The following ADAMTS20 variants were observed in gnomAD, a reference collection of about 807,000 sequenced individuals.
The protein encoded by ADAMTS20 is ADAM metallopeptidase with thrombospondin type 1 motif 20.
In ADAMTS20, 225 loss-of-function variants were observed where a neutral mutation model predicts 260.1. The observed-to-expected ratio is 0.87, with a 90% confidence interval of 0.78 to 0.97. The LOEUF (loss-of-function observed/expected upper bound fraction) is 0.97, where lower values mean the gene tolerates loss of function less well. ADAMTS20 is among the 50% of genes least tolerant of loss of function. The pLI is 0.00. For synonymous variants in ADAMTS20, 802 were observed against 769.5 expected (o/e 1.04, Z -0.70); for missense variants, 2,400 against 2,337.7 (o/e 1.03, Z -0.55).
chr12:43,551,641 T>G lies in ADAMTS20; in HGVS notation c.91+190A>C, dbSNP rs1443669424. Among the ~76,000 whole-genome samples the G allele has an allele frequency of 1.2e-4, 18 of 152,178 alleles. No individual in the cohort carries two copies. Among genetic ancestry groups the G allele is most frequent in the Non-Finnish European group, 7.3e-5 (5 of 68,032 alleles). On this transcript the variant is annotated intron_variant, in intron 1 of 38. Transcript: ENST00000389420. This position sits in a 1 kb window ranked among gnomAD's most constrained non-coding sequence, Gnocchi z 4.6. Reference sequence around the variant, plus strand: ...TGTGGTCCTGGGAGTGCGATGCGTCTTAGGCGCGCGCGATTCCTCGAAACC... The same window carrying G: ...TGTGGTCCTGGGAGTGCGATGCGTCGTAGGCGCGCGCGATTCCTCGAAACC...
At position 43,478,591 on chromosome 12, in the gene ADAMTS20, G is replaced by T. The variant is rs181065985; in HGVS notation, c.1118-9886C>A. Among the ~76,000 whole-genome samples the T allele has an allele frequency of 5.7e-4, 86 of 152,198 alleles. 3 individuals are homozygous for T. The highest frequency in any genetic ancestry group is 4.3e-3 in the Admixed American group (65 of 15,272). ...ACCTATATTAGGATGAAGTTTTAAT[G>T]AAACTGCTTTATATTCAAGACAAAG... On this transcript the variant is annotated intron_variant, in intron 7 of 38. Transcript: ENST00000389420.
intron 7 of ADAMTS20, among the ~76,000 whole-genome samples, chr12:43,472,701 A>G (rs12307086): frequency 0.014 from 2,030 of 147,412 alleles, 48 homozygotes; most frequent in African/African-American, 0.048. Flanking sequence ...TAAAGAAAAG[A>G]ATTTTCAAGC....
Position 43,427,621 on chromosome 12 carries a change from C to G in ADAMTS20, c.3946-152G>C, listed in dbSNP as rs1941358588. On this transcript the variant is annotated intron_variant, in intron 26 of 38. Coordinates refer to ENST00000389420, the MANE Select transcript of ADAMTS20 (RefSeq NM_025003.5). ...GAATCACAATTTGAATTGAGAAAAT[C>G]TATCAAAACACTTGAGTTATACTGG... The G allele has an allele frequency of 6.6e-6, 5 of 756,060 alleles. No homozygotes were observed. The Admixed American group carries it at 1.4e-4, about 22-fold the overall frequency. The allele number at this position is 756,060 out of a possible 1,614,324, so 46.8% of individuals were successfully genotyped here.
At chr12:43,499,322 T>C (rs886622380) in intron 4 of ADAMTS20, among the ~76,000 whole-genome samples, 2 of 152,096 alleles carry the variant, frequency 1.3e-5, no homozygotes, top group African/African-American at 4.8e-5. Context: ...GATAAGCACA[T>C]GCATTGGTCT....
At chr12:43,445,681 C>CAA (rs1941746816) in intron 15 of ADAMTS20, among the ~76,000 whole-genome samples, 1 of 151,592 alleles carries the variant, frequency 6.6e-6, no homozygotes, top group African/African-American at 2.4e-5. Flanking sequence ...CATCTCTACA[C>CAA]ACACACACAC....
At chr12:43,417,138 A>G (rs1941147761) in intron 28 of ADAMTS20, among the ~76,000 whole-genome samples, 1 of 152,132 alleles carries the variant, frequency 6.6e-6, no homozygotes, top group African/African-American at 2.4e-5. Context: ...TGGGATCTCA[A>G]TAATCTTGAG....
chr12:43,497,757 T>G (rs1592097852), intron 4 of ADAMTS20, among the ~76,000 whole-genome samples: 1 of 152,100 alleles, frequency 6.6e-6, no homozygotes, highest in South Asian at 2.1e-4. Flanking sequence ...GGTTTTTAGT[T>G]GATATATGCC....
chr12:43,461,333 T>C (rs1942061913), intron 11 of ADAMTS20, among the ~76,000 whole-genome samples: 2 of 152,034 alleles, frequency 1.3e-5, no homozygotes, highest in East Asian at 1.9e-4. Context: ...CTCATTTTTA[T>C]TGGGATGTTG....
chr12:43,398,466 C>T (rs1043971296), intron 29 of ADAMTS20, among the ~76,000 whole-genome samples: 14 of 152,036 alleles, frequency 9.2e-5, no homozygotes, highest in African/African-American at 3.1e-4. Context: ...TCTAGCGCAG[C>T]CTAGGCTATC....
chr12:43,470,191 G>C (rs972207306), intron 7 of ADAMTS20, among the ~76,000 whole-genome samples: 1 of 152,082 alleles, frequency 6.6e-6, no homozygotes, highest in Non-Finnish European at 1.5e-5. Flanking sequence ...TCTTTTGTCA[G>C]GATAAGTTTA....
In ADAMTS20 at chr12:43,536,456, A is replaced by G. The variant is rs148858509; in HGVS notation, c.454-4261T>C. 2.0e-4 allele frequency among the ~76,000 whole-genome samples: 31 copies of G among 152,320 alleles called. No individual in the cohort carries two copies. The East Asian group carries it at 6.0e-3, about 29-fold the overall frequency. ...CTTCAAAGAATTTATACTCCTATGGAAAAAGGCAACCAATAAATAAAAATA... is the reference window on the plus strand; with the variant it reads ...CTTCAAAGAATTTATACTCCTATGGGAAAAGGCAACCAATAAATAAAAATA... On this transcript the variant is annotated intron_variant, in intron 2 of 38. Transcript: ENST00000389420.
At chr12:43,405,026 T>C (rs188711300) in intron 28 of ADAMTS20, among the ~76,000 whole-genome samples, 23 of 151,894 alleles carry the variant, frequency 1.5e-4, no homozygotes, top group African/African-American at 5.1e-4. Flanking sequence ...CAGTAAGAAC[T>C]AGAAGTATCT....
chr12:43,514,229 G>A (rs1010853), intron 3 of ADAMTS20, among the ~76,000 whole-genome samples: 16,746 of 151,304 alleles, frequency 0.11, 1,303 homozygotes, highest in East Asian at 0.47. Context: ...TGGGATTAAA[G>A]GCATGAGCCC....
intron 29 of ADAMTS20, among the ~76,000 whole-genome samples, chr12:43,398,288 C>A (rs1592047814): frequency 6.6e-6 from 1 of 152,304 alleles, no homozygotes; most frequent in Middle Eastern, 3.4e-3. Context: ...GTTTGACAGT[C>A]ATTTTCAAAT....
intron 28 of ADAMTS20, among the ~76,000 whole-genome samples, chr12:43,417,153 A>G (rs978484233): frequency 6.6e-6 from 1 of 152,164 alleles, no homozygotes; most frequent in African/African-American, 2.4e-5. Context: ...CTTGAGTGGA[A>G]TGGTAACATG....
chr12:43,527,232 T>C (rs938713127), intron 3 of ADAMTS20, among the ~76,000 whole-genome samples: 1 of 152,174 alleles, frequency 6.6e-6, no homozygotes, highest in South Asian at 2.1e-4. Context: ...CAGGGCCAGA[T>C]AGATTCACAG....
chr12:43,437,356 A>G (rs1226435239), intron 18 of ADAMTS20, among the ~76,000 whole-genome samples: 1 of 152,228 alleles, frequency 6.6e-6, no homozygotes, highest in African/African-American at 2.4e-5. Flanking sequence ...ATCTAAGAAC[A>G]TGATAAATTT....
chr12:43,543,621 T>A (rs1414134255), intron 2 of ADAMTS20, among the ~76,000 whole-genome samples: 2 of 152,208 alleles, frequency 1.3e-5, no homozygotes, highest in African/African-American at 2.4e-5. Context: ...TCAGTGCCCC[T>A]GTGGGAACTT....
chr12:43,551,000 G>T lies in ADAMTS20; in HGVS notation c.362C>A (p.Ala121Glu), dbSNP rs774730429. 7.0e-5 allele frequency: 113 copies of T among 1,613,108 alleles called. No individual in the cohort carries two copies. Among genetic ancestry groups the T allele is most frequent in the Non-Finnish European group, 8.7e-5 (103 of 1,179,520 alleles). Reference sequence around the variant, plus strand: ...GCAGTGGCGCAGGTCCGAGGGCCCTGCGTCGCTCTCCCAGGCCCCGCGCTC... The same window carrying T: ...GCAGTGGCGCAGGTCCGAGGGCCCTTCGTCGCTCTCCCAGGCCCCGCGCTC... ...TPERGAWESDAGPSDLRHCFY... is the reference protein window; with the variant it reads ...TPERGAWESDEGPSDLRHCFY... Residue 121 changes from alanine (A) to glutamate (E), a missense_variant, in exon 2 of 39, where the codon GCA becomes GAA. Physicochemically the swap from Ala to Glu is moderately radical, Grantham distance 107. Coordinates refer to ENST00000389420, the MANE Select transcript of ADAMTS20 (RefSeq NM_025003.5).
Sources: gnomAD v4.1 joint callset for allele counts (sites outside exome capture counted in the v4.1 genomes callset) on GRCh38, gnomAD v4.1.1 for gene constraint, Gnocchi (gnomAD v3.1) non-coding constraint, MANE v1.5 for transcripts, NCBI Gene and HGNC (gene_info 2026-07-23, HGNC 2026-07-21) for gene names.